The following ABCG2 variants were observed in gnomAD, a reference collection of about 807,000 sequenced individuals.
ABCG2 encodes ATP binding cassette subfamily G member 2 (JR blood group).
In ABCG2, 80 loss-of-function variants were observed where a neutral mutation model predicts 73.5. The ratio of observed to expected loss-of-function variants is 1.09; its 90% CI spans 0.91 to 1.31. The LOEUF (loss-of-function observed/expected upper bound fraction) is 1.31, where lower values mean the gene tolerates loss of function less well. Ranked by LOEUF, ABCG2 falls within the 50% of genes most tolerant of loss-of-function variation. The pLI, the probability that ABCG2 is intolerant of heterozygous loss-of-function variation, is 0.00. For synonymous variants in ABCG2, 269 were observed against 282.4 expected, an observed-to-expected ratio of 0.95 and a Z score of 0.48; for missense variants, 796 against 786.2, an observed-to-expected ratio of 1.01 and a Z score of -0.15.
chr4:88,106,074 C>T (rs767294047), intron 10 of ABCG2, among the ~76,000 whole-genome samples: 8 of 152,090 alleles, frequency 5.3e-5, no homozygotes, highest in Non-Finnish European at 7.4e-5. Flanking sequence ...TACTATATGA[C>T]CCAGAAATTC....
upstream of ABCG2, among the ~76,000 whole-genome samples, chr4:88,159,671 A>G (rs185886834): frequency 1.3e-5 from 2 of 152,350 alleles, no homozygotes; most frequent in East Asian, 3.9e-4. Context: ...TCATAGTATC[A>G]TTTAAGTTGT....
chr4:88,148,354 A>T (rs138341120), intron 1 of ABCG2, among the ~76,000 whole-genome samples: 229 of 152,320 alleles, frequency 1.5e-3, no homozygotes, highest in African/African-American at 5.1e-3. Flanking sequence ...CAAAATCCTT[A>T]ATCGAAAGAG....
chr4:88,094,130 C>G (rs933593634), intron 15 of ABCG2, among the ~76,000 whole-genome samples: 1 of 152,168 alleles, frequency 6.6e-6, no homozygotes, highest in African/African-American at 2.4e-5. Flanking sequence ...CTGCCTATTT[C>G]ATTCTTACTA....
At chr4:88,201,805 A>G (rs1214664430) in intron 1 of ABCG2, 1 of 152,220 alleles carries the variant, frequency 6.6e-6, no homozygotes, top group Non-Finnish European at 1.5e-5. Context: ...AGTGTTCCCT[A>G]TTTAATAAAA....
intron 1 of ABCG2, among the ~76,000 whole-genome samples, chr4:88,224,787 G>A (rs950103145): frequency 3.9e-5 from 6 of 152,198 alleles, no homozygotes; most frequent in Non-Finnish European, 7.3e-5. Context: ...CACAGCCAAC[G>A]TCATGAAGCG....
chr4:88,140,228 T>C lies in ABCG2; in HGVS notation c.-19-214A>G, dbSNP rs10014627. Among the ~76,000 whole-genome samples the C allele has an allele frequency of 2.8e-3, 432 of 152,290 alleles. 1 individual carries two copies. The highest frequency in any genetic ancestry group is 0.01 in the African/African-American group (416 of 41,562). ...GGAATGCATAAACTCCAATTAGATG[T>C]CAAATACATCCCTAATAAGTAAATG... On this transcript the variant is annotated intron_variant, in intron 1 of 15. Transcript: ENST00000237612.
Position 88,229,708 on chromosome 4 carries a change from C to G in ABCG2, c.-20+1286G>C, listed in dbSNP as rs72877261. ...TCCCATTGCTTTCTTCTCCCCTCAA[C>G]TGGGGACACAATAGGTATATTTCCT... On this transcript the variant is annotated intron_variant, in intron 1 of 15. Coordinates refer to the ABCG2 transcript ENST00000515655. Among the ~76,000 whole-genome samples, 504 of 152,228 alleles carry G rather than the reference C, an allele frequency of 3.3e-3. 6 individuals carry two copies. Among genetic ancestry groups the G allele is most frequent in the African/African-American group, 0.012 (483 of 41,542 alleles).
chr4:88,152,416 G>A (rs1254300635), intron 1 of ABCG2, among the ~76,000 whole-genome samples: 1 of 152,004 alleles, frequency 6.6e-6, no homozygotes, highest in African/African-American at 2.4e-5. Flanking sequence ...GGCTGAGTCC[G>A]AAAAGAAAGT....
At position 88,225,444 on chromosome 4, in the gene ABCG2, CATG is replaced by C. The variant is rs111253879; in HGVS notation, c.-20+5547_-20+5549del. On this transcript the variant is annotated intron_variant, in intron 1 of 15. Coordinates refer to the ABCG2 transcript ENST00000515655. ...GATAAGAACAATGGTGAGAGTGAAG[CATG>C]ATGAGGTTGGAGAAAGGGGCAAGGG... Among the ~76,000 whole-genome samples, 341 of 152,280 alleles carry C rather than the reference CATG, an allele frequency of 2.2e-3. 1 individual carries two copies. The highest frequency in any genetic ancestry group is 7.7e-3 in the African/African-American group (319 of 41,562).
In ABCG2 at chr4:88,202,350, TTATTTATATATATATA is replaced by T. The variant is rs1223993868; in HGVS notation, c.-20+28628_-20+28643del. 8.2e-4 allele frequency among the ~76,000 whole-genome samples: 29 copies of T among 35,396 alleles called. 1 individual carries two copies. In the South Asian group the frequency reaches 0.028, roughly 34 times the overall value. 23.2% of individuals were successfully genotyped at this position (35,396 alleles called of 152,430 possible). ...ACATAGGAGGACCCCATCTCTACAA[TTATTTATATATATATA>T]TATATATATATGTATATTTTAATTA... On this transcript the variant is annotated intron_variant, in intron 1 of 15. Transcript: ENST00000515655.
chr4:88,207,457 G>C (rs1331063725), intron 1 of ABCG2, among the ~76,000 whole-genome samples: 1 of 152,168 alleles, frequency 6.6e-6, no homozygotes, highest in Non-Finnish European at 1.5e-5. Context: ...AACTGGAAAA[G>C]AAGTCTTTCT....
At chr4:88,152,941 G>A (rs532132107) in intron 1 of ABCG2, among the ~76,000 whole-genome samples, 57 of 152,202 alleles carry the variant, frequency 3.7e-4, no homozygotes, top group African/African-American at 1.3e-3. Context: ...GGGGTTGTTA[G>A]AAGAAACAAT....
chr4:88,165,235 T>G (rs1325128144), intron 1 of ABCG2, among the ~76,000 whole-genome samples: 2 of 152,236 alleles, frequency 1.3e-5, no homozygotes, highest in African/African-American at 4.8e-5. Context: ...CTATTCGTTT[T>G]CTATTGCTGC....
chr4:88,200,094 G>A (rs1729098632), intron 1 of ABCG2, among the ~76,000 whole-genome samples: 1 of 152,142 alleles, frequency 6.6e-6, no homozygotes, highest in African/African-American at 2.4e-5. Context: ...GGAGGCTGAA[G>A]TGGGCAGATC....
intron 5 of ABCG2, among the ~76,000 whole-genome samples, chr4:88,125,607 C>CAAAAAAAAAAAAAAAA (rs70957302): frequency 1.1e-4 from 4 of 34,978 alleles, no homozygotes; most frequent in East Asian, 2.2e-3. Flanking sequence ...GACTCTGTCT[C>CAAAAAAAAAAAAAAAA]AAAAAAAAAA....
At chr4:88,168,285 G>A (rs1268473824) in intron 1 of ABCG2, among the ~76,000 whole-genome samples, 1 of 152,058 alleles carries the variant, frequency 6.6e-6, no homozygotes, top group Non-Finnish European at 1.5e-5. Context: ...TTAGGAGATT[G>A]AGACCATCCT....
Position 88,139,812 on chromosome 4 carries a change from C to T in ABCG2, c.184G>A (p.Glu62Lys), listed in dbSNP as rs745441428. The change falls in exon 2 of 16, where the codon GAA becomes AAA. Residue 62 changes from glutamate to lysine, a missense_variant. Glu to Lys is a moderately conservative substitution (Grantham distance 56). Transcript: ENST00000237612. ...FLPCRKPVEK[E>K]ILSNINGIMK... Reference sequence around the variant, plus strand: ...ACATACTTGATATTCGATAATATTTCTTTCTCAACTGGTTTTCGACAAGGT... The same window carrying T: ...ACATACTTGATATTCGATAATATTTTTTTCTCAACTGGTTTTCGACAAGGT... The T allele has an allele frequency of 6.2e-7, 1 of 1,613,918 alleles. No homozygotes were observed. Among genetic ancestry groups the T allele is most frequent in the Non-Finnish European group, 8.5e-7 (1 of 1,179,926 alleles).
chr4:88,175,507 CA>C (rs1369779705), intron 1 of ABCG2, among the ~76,000 whole-genome samples: 1 of 151,006 alleles, frequency 6.6e-6, no homozygotes, highest in African/African-American at 2.5e-5. Flanking sequence ...ATGTTCAAAA[CA>C]GGCAGAGTAA....
chr4:88,192,468 G>A (rs1728728003), intron 1 of ABCG2, among the ~76,000 whole-genome samples: 1 of 152,060 alleles, frequency 6.6e-6, no homozygotes, highest in South Asian at 2.1e-4. Context: ...GGCCCAGGCT[G>A]GAGTGCAGTG....
Sources: gnomAD v4.1 joint callset for allele counts (sites outside exome capture counted in the v4.1 genomes callset) on GRCh38, gnomAD v4.1.1 for gene constraint, MANE v1.5 for transcripts, NCBI Gene and HGNC (gene_info 2026-07-23, HGNC 2026-07-21) for gene names.